Variants in CHD7 observed in about 807,000 individuals in gnomAD.
The protein encoded by CHD7 is chromodomain helicase DNA binding protein 7, also known as ATP-dependent chromatin remodeler CHD7.
Under a neutral mutation model 307.3 loss-of-function variants are expected in CHD7, and 24 were observed. That is an observed-to-expected ratio of 0.08 (90% CI 0.06 to 0.11). The LOEUF (loss-of-function observed/expected upper bound fraction) is 0.11. Ranked by LOEUF, CHD7 falls within the 10% of genes least tolerant of loss-of-function variation. CHD7 has a pLI of 1.00. For missense variants in CHD7, 3,106 were observed against 3,727.1 expected (o/e 0.83, Z 4.34); for synonymous variants, 1,363 against 1,349.9 (o/e 1.01, Z -0.21).
Position 60,862,615 on chromosome 8 carries a change from C to T in CHD7, c.8039C>T (p.Ala2680Val). The change falls in exon 37 of 38, where the codon GCA (alanine) becomes GTA (valine). Residue 2680 changes from alanine to valine, a missense_variant. Coordinates refer to ENST00000423902, the MANE Select transcript of CHD7 (RefSeq NM_017780.4). ...PRWLEENPEF[A>V]VAPDWTDIVK... is the part of the protein sequence containing the mutation. ...TGGCTGGAAGAAAATCCTGAATTTG[C>T]AGTTGCTCCAGACTGGACTGATATA... The T allele has an allele frequency of 1.3e-6, 2 of 1,571,770 alleles. No homozygotes were observed. Among genetic ancestry groups the T allele is most frequent in the Non-Finnish European group, 1.7e-6 (2 of 1,157,270 alleles).
rs78733945 is a variant in CHD7, at chr8:60,694,424, A to G, written c.-175+15342A>G. 4.7e-3 allele frequency among the ~76,000 whole-genome samples: 711 copies of G among 152,346 alleles called. 2 individuals carry two copies. Among genetic ancestry groups the G allele is most frequent in the African/African-American group, 0.016 (670 of 41,574 alleles). The stretch of plus-strand genomic sequence containing the variant: ...TTATGACCCTGTGGAACAGGATAGC[A>G]CAGTCTGTAATTAAGTGCTAAGAAG... On this transcript the variant is annotated intron_variant, in intron 1 of 37. Transcript: ENST00000423902.
At chr8:60,826,774 G>C (rs1258931427) in intron 13 of CHD7, among the ~76,000 whole-genome samples, 1 of 152,246 alleles carries the variant, frequency 6.6e-6, no homozygotes, top group African/African-American at 2.4e-5. Flanking sequence ...AGGGGATGCT[G>C]TGGAGATCAT....
At position 60,702,896 on chromosome 8, in the gene CHD7, AGT is replaced by A. The variant is rs539218552; in HGVS notation, c.-175+23816_-175+23817del. On this transcript the variant is annotated intron_variant, in intron 1 of 37. Transcript: ENST00000423902. ...GGCCATATGTTTGCATGTGAGAGAG[AGT>A]GAGCGAGAGAGCGCCACATATTCCA... 6.6e-5 allele frequency among the ~76,000 whole-genome samples: 10 copies of A among 152,320 alleles called. No homozygotes were observed. In the East Asian group the frequency reaches 1.9e-3, roughly 29 times the overall value.
At chr8:60,710,287 C>G (rs941720592) in intron 1 of CHD7, among the ~76,000 whole-genome samples, 2 of 143,212 alleles carry the variant, frequency 1.4e-5, no homozygotes, top group Admixed American at 7.2e-5. Context: ...TAGCTGTATT[C>G]GGTTTGGCAA....
intron 32 of CHD7, 141 bp downstream of exon 32, chr8:60,854,664 T>A: frequency 1.5e-6 from 1 of 657,928 alleles, no homozygotes; most frequent in African/African-American, 1.8e-5. Flanking sequence ...CTTATACTTT[T>A]AAAGAATGAT....
At chr8:60,717,402 A>T (rs1807664036) in intron 1 of CHD7, among the ~76,000 whole-genome samples, 1 of 152,182 alleles carries the variant, frequency 6.6e-6, no homozygotes, top group South Asian at 2.1e-4. Flanking sequence ...GAGTATTTCT[A>T]GCACTATGTA....
intron 1 of CHD7, among the ~76,000 whole-genome samples, chr8:60,716,137 A>G (rs1457546585): frequency 6.6e-6 from 1 of 152,190 alleles, no homozygotes; most frequent in East Asian, 1.9e-4. Flanking sequence ...AGAGTCTGAT[A>G]CCTTTTCTCT....
chr8:60,692,413 A>G lies in CHD7; in HGVS notation c.-175+13331A>G, dbSNP rs143741599. Among the ~76,000 whole-genome samples, 11 of 152,350 alleles carry G rather than the reference A, an allele frequency of 7.2e-5. No homozygotes were observed. In the East Asian group the frequency reaches 7.7e-4, roughly 11 times the overall value. ...CTTGTTTTGTATATAGTTCTGGTTT[A>G]AATGGTACATGTCTGCCAAACTAAT... On this transcript the variant is annotated intron_variant, in intron 1 of 37. Transcript: ENST00000423902.
intron 7 of CHD7, among the ~76,000 whole-genome samples, chr8:60,811,410 A>G (rs748916682): frequency 2.6e-5 from 4 of 152,164 alleles, no homozygotes; most frequent in Non-Finnish European, 5.9e-5. Flanking sequence ...CGTTCTTACA[A>G]AAAAAGAAAT....
At chr8:60,788,805 A>G (rs1374661432) in intron 3 of CHD7, among the ~76,000 whole-genome samples, 1 of 152,188 alleles carries the variant, frequency 6.6e-6, no homozygotes, top group African/African-American at 2.4e-5. Flanking sequence ...TGGGTTTATT[A>G]TCTGCCATTC....
chr8:60,808,309 A>T, intron 7 of CHD7, 37 bp downstream of exon 7: 7 of 1,221,364 alleles, frequency 5.7e-6, no homozygotes, highest in Non-Finnish European at 2.4e-6. Context: ...ATGGGGGGCT[A>T]TATTTTCCAA....
Position 60,844,902 on chromosome 8 carries a change from A to G in CHD7, c.4889A>G (p.Tyr1630Cys), listed in dbSNP as rs1169925155. The G allele has an allele frequency of 1.2e-6, 2 of 1,612,054 alleles. No homozygotes were observed. Among genetic ancestry groups the G allele is most frequent in the African/African-American group, 1.3e-5 (1 of 75,014 alleles). Residue 1630 changes from tyrosine (Y) to cysteine (C), a missense_variant, in exon 22 of 38, where the codon TAT becomes TGT. Coordinates refer to ENST00000423902, the MANE Select transcript of CHD7 (RefSeq NM_017780.4). ...ACAGACATTCTTTCCCACGGACGCT[A>G]TAAACGCCAACTCACTGAGCAAGAT... ...RWTDILSHGRYKRQLTEQDVE... is the reference protein window; with the variant it reads ...RWTDILSHGRCKRQLTEQDVE...
intron 2 of CHD7, among the ~76,000 whole-genome samples, chr8:60,769,931 A>C (rs1314380911): frequency 6.6e-6 from 1 of 152,256 alleles, no homozygotes; most frequent in Non-Finnish European, 1.5e-5. Flanking sequence ...AGGAAACTTC[A>C]AGAACACACT....
At chr8:60,752,591 A>G (rs1433434809) in intron 2 of CHD7, among the ~76,000 whole-genome samples, 3 of 152,220 alleles carry the variant, frequency 2.0e-5, no homozygotes, top group African/African-American at 7.2e-5. Context: ...ATGTATCTAA[A>G]TGTGCTCTTT....
chr8:60,861,182 C>A, intron 35 of CHD7, 57 bp downstream of exon 35: 2 of 1,315,258 alleles, frequency 1.5e-6, no homozygotes, highest in South Asian at 1.4e-5. Flanking sequence ...CCACTTCATT[C>A]CCTTACAACA....
At chr8:60,863,080 A>G (rs1330677633) in intron 37 of CHD7, 1 of 158,098 alleles carries the variant, frequency 6.3e-6, no homozygotes, top group Non-Finnish European at 1.4e-5. Flanking sequence ...CTTTTTAAAA[A>G]TTCGTTCATG....
At chr8:60,727,778 C>G (rs1450681192) in intron 1 of CHD7, among the ~76,000 whole-genome samples, 1 of 152,190 alleles carries the variant, frequency 6.6e-6, no homozygotes. Context: ...CTTGAGCTCT[C>G]TGCTTTCATA....
At chr8:60,816,612 T>C (rs1295318183) in intron 8 of CHD7, 111 bp downstream of exon 8, 9 of 642,768 alleles carry the variant, frequency 1.4e-5, no homozygotes, top group Non-Finnish European at 1.4e-5. Flanking sequence ...TTTGGTGCTG[T>C]CAACTTGCAT....
chr8:60,833,600 C>T (rs538839061), intron 15 of CHD7, among the ~76,000 whole-genome samples: 59 of 152,176 alleles, frequency 3.9e-4, no homozygotes, highest in African/African-American at 1.3e-3. Context: ...GTTACTGTCC[C>T]GACAGTGACC....
Sources: gnomAD v4.1 joint callset for allele counts (sites outside exome capture counted in the v4.1 genomes callset) on GRCh38, gnomAD v4.1.1 for gene constraint, MANE v1.5 for transcripts, NCBI Gene and HGNC (gene_info 2026-07-23, HGNC 2026-07-21) for gene names.